Variants in BACH2 observed in about 807,000 individuals in gnomAD.
BACH2 encodes transcription regulator protein BACH2.
Under a neutral mutation model 61.8 loss-of-function variants are expected in BACH2, and 5 were observed. The observed-to-expected ratio is 0.08, with a 90% CI of 0.04 to 0.17. The LOEUF is 0.17. Ranked by LOEUF, BACH2 falls within the 10% of genes least tolerant of loss-of-function variation. BACH2 has a pLI of 1.00. For synonymous variants in BACH2, 446 were observed against 440.1 expected (o/e 1.01, Z -0.17); for missense variants, 824 against 1,091.1 (o/e 0.76, Z 3.45).
chr6:90,204,413 T>C (rs193292202), intron 4 of BACH2, among the ~76,000 whole-genome samples: 115 of 152,302 alleles, frequency 7.6e-4, no homozygotes, highest in Non-Finnish European at 1.2e-3. Context: ...TTCTTTGTCT[T>C]ATGCCAAGAA....
chr6:89,959,020 T>C (rs770783024), intron 6 of BACH2, among the ~76,000 whole-genome samples: 25 of 151,840 alleles, frequency 1.6e-4, no homozygotes, highest in Non-Finnish European at 3.4e-4. Context: ...CCTCTGAGCA[T>C]GGGGCCCTGT....
At chr6:90,076,197 T>G (rs1781463850) in intron 5 of BACH2, among the ~76,000 whole-genome samples, 1 of 152,002 alleles carries the variant, frequency 6.6e-6, no homozygotes, top group South Asian at 2.1e-4. Flanking sequence ...CAGTGATAGG[T>G]GAGATTTAAA....
At chr6:90,163,615 T>C (rs894969525) in intron 4 of BACH2, among the ~76,000 whole-genome samples, 1 of 152,164 alleles carries the variant, frequency 6.6e-6, no homozygotes, top group Non-Finnish European at 1.5e-5. Flanking sequence ...TAAAGGTAGA[T>C]GATATCTTCA....
chr6:90,209,822 C>T (rs192999044), intron 3 of BACH2, among the ~76,000 whole-genome samples: 16 of 152,176 alleles, frequency 1.1e-4, no homozygotes, highest in African/African-American at 3.4e-4. Context: ...GTTTTACAAC[C>T]GAAACAGGCT....
At chr6:90,176,213 T>C (rs1057185236) in intron 4 of BACH2, among the ~76,000 whole-genome samples, 4 of 152,214 alleles carry the variant, frequency 2.6e-5, no homozygotes, top group African/African-American at 7.2e-5. Flanking sequence ...ATCCAACATG[T>C]ACATTCTTAA....
At chr6:90,098,687 C>G (rs1275538569) in intron 4 of BACH2, among the ~76,000 whole-genome samples, 1 of 152,190 alleles carries the variant, frequency 6.6e-6, no homozygotes, top group African/African-American at 2.4e-5. Flanking sequence ...GTTAAAATCT[C>G]TTGTAAAAGA....
chr6:90,054,226 G>A (rs1170975877), intron 5 of BACH2, among the ~76,000 whole-genome samples: 2 of 152,222 alleles, frequency 1.3e-5, no homozygotes, highest in African/African-American at 4.8e-5. Flanking sequence ...GTCAAAGAAA[G>A]CGGTGACAGA....
intron 5 of BACH2, among the ~76,000 whole-genome samples, chr6:90,045,758 G>A (rs1226978859): frequency 6.6e-6 from 1 of 152,144 alleles, no homozygotes; most frequent in African/African-American, 2.4e-5. Flanking sequence ...GATGCAAGAG[G>A]TATCCCACTG....
chr6:89,951,470 C>T lies in BACH2; in HGVS notation c.636G>A (p.Val212=), dbSNP rs1201821044. ...CTGAGCTCTCCTTGGTGTCTGTGGG[C>T]ACGTCAGGCTCGGGCAGCAGGGCTT... is the stretch of plus-strand genomic sequence containing the variant. The part of the protein sequence containing the change: ...KEEALLPEPD[V]PTDTKESSEK... The change falls in exon 7 of 9, where the codon GTG becomes GTA. Residue 212 remains valine (V), a synonymous_variant. Coordinates refer to ENST00000257749, the MANE Select transcript of BACH2 (RefSeq NM_021813.4). The surrounding 1 kb of genome is among the most constrained non-coding windows in gnomAD (Gnocchi z 6.4). 2.5e-6 allele frequency: 4 copies of T among 1,614,098 alleles called. No individual in the cohort carries two copies. Among genetic ancestry groups the T allele is most frequent in the Non-Finnish European group, 3.4e-6 (4 of 1,180,038 alleles).
chr6:90,101,251 C>T (rs961040850), intron 4 of BACH2, among the ~76,000 whole-genome samples: 8 of 152,056 alleles, frequency 5.3e-5, no homozygotes, highest in African/African-American at 1.4e-4. Context: ...TATGAAGTCC[C>T]ATTTATCTAA....
At chr6:90,277,630 T>C (rs1247420449) in intron 1 of BACH2, among the ~76,000 whole-genome samples, 1 of 152,248 alleles carries the variant, frequency 6.6e-6, no homozygotes, top group Non-Finnish European at 1.5e-5. Context: ...TTTTCCCTAT[T>C]TATATTATCA....
chr6:90,232,023 C>T (rs1165852205), intron 3 of BACH2, among the ~76,000 whole-genome samples: 2 of 151,896 alleles, frequency 1.3e-5, no homozygotes, highest in South Asian at 2.1e-4. Flanking sequence ...GAAGCCCAAC[C>T]GTTATCTAAA....
chr6:90,238,188 TA>T lies in BACH2; in HGVS notation c.-275+14324del, dbSNP rs762235822. On this transcript the variant is annotated intron_variant, in intron 3 of 8. Transcript: ENST00000257749. ...TTTTATAATAGTCTCATAACCCCAT[TA>T]GGGGGAAAAATGTATCTGTTCTCTC... Among the ~76,000 whole-genome samples, 9 of 152,290 alleles carry T rather than the reference TA, an allele frequency of 5.9e-5. No individual in the cohort carries two copies. In the South Asian group the frequency reaches 1.5e-3, roughly 25 times the overall value.
intron 3 of BACH2, among the ~76,000 whole-genome samples, chr6:90,226,167 T>C (rs1004145894): frequency 2.6e-5 from 4 of 152,148 alleles, no homozygotes; most frequent in African/African-American, 9.7e-5. Flanking sequence ...GGACGGACGG[T>C]GGTGGCCACA....
intron 3 of BACH2, among the ~76,000 whole-genome samples, chr6:90,246,962 A>T (rs1292441219): frequency 6.6e-6 from 1 of 152,188 alleles, no homozygotes; most frequent in Non-Finnish European, 1.5e-5. Flanking sequence ...TGCATGAAAA[A>T]CATACTTGTA....
chr6:90,284,864 C>T (rs1173046960), intron 1 of BACH2, among the ~76,000 whole-genome samples: 8 of 152,138 alleles, frequency 5.3e-5, no homozygotes, highest in South Asian at 2.1e-4. Flanking sequence ...ATGAGTCATT[C>T]GTATCGGCGG....
chr6:90,296,039 G>C (rs1169897061), intron 1 of BACH2, among the ~76,000 whole-genome samples: 8 of 152,000 alleles, frequency 5.3e-5, no homozygotes, highest in Non-Finnish European at 1.0e-4. Context: ...CTGGGGGCCG[G>C]GACACCCGGG....
At chr6:90,146,714 T>A (rs774855005) in intron 4 of BACH2, among the ~76,000 whole-genome samples, 10 of 152,226 alleles carry the variant, frequency 6.6e-5, no homozygotes, top group Admixed American at 3.9e-4. Flanking sequence ...CTCTTTTTGA[T>A]CTCTTTGTTG....
intron 5 of BACH2, among the ~76,000 whole-genome samples, chr6:90,049,918 A>G (rs2127794197): frequency 6.6e-6 from 1 of 152,330 alleles, no homozygotes; most frequent in East Asian, 1.9e-4. Flanking sequence ...TGAAAGAATG[A>G]CTGACAAACT....
Sources: gnomAD v4.1 joint callset for allele counts (sites outside exome capture counted in the v4.1 genomes callset) on GRCh38, gnomAD v4.1.1 for gene constraint, Gnocchi (gnomAD v3.1) non-coding constraint, MANE v1.5 for transcripts, NCBI Gene and HGNC (gene_info 2026-07-23, HGNC 2026-07-21) for gene names.